Variants in RBMS3 observed in about 807,000 individuals in gnomAD.
RBMS3 encodes RNA-binding motif, single-stranded-interacting protein 3.
In RBMS3, 27 loss-of-function variants were observed where a neutral mutation model predicts 66.8. That is an observed-to-expected ratio of 0.40 (90% CI 0.30 to 0.56). The LOEUF (loss-of-function observed/expected upper bound fraction) is 0.56, where lower values mean the gene tolerates loss of function less well. Ranked by LOEUF, RBMS3 falls within the 20% of genes least tolerant of loss-of-function variation. RBMS3 has a pLI of 0.40. For missense variants in RBMS3, 513 were observed against 549.5 expected, an observed-to-expected ratio of 0.93 and a Z score of 0.66; for synonymous variants, 188 against 183.0, an observed-to-expected ratio of 1.03 and a Z score of -0.22.
chr3:29,462,222 T>A (rs1350871869), intron 2 of RBMS3, among the ~76,000 whole-genome samples: 1 of 152,172 alleles, frequency 6.6e-6, no homozygotes, highest in Admixed American at 6.5e-5. Flanking sequence ...ATTTGTTAAG[T>A]TAAATCTAAT....
At chr3:29,979,265 T>A (rs1029439659) in intron 12 of RBMS3, among the ~76,000 whole-genome samples, 5 of 152,344 alleles carry the variant, frequency 3.3e-5, no homozygotes, top group Non-Finnish European at 7.3e-5. Context: ...TTTGCTTGAC[T>A]CAGTGTTGCT....
In RBMS3 at chr3:29,885,224, G is replaced by A. The variant is rs550042899; in HGVS notation, c.791+1016G>A. Among the ~76,000 whole-genome samples the A allele has an allele frequency of 8.3e-4, 126 of 151,850 alleles. 1 individual carries two copies. Among genetic ancestry groups the A allele is most frequent in the African/African-American group, 2.7e-3 (110 of 41,484 alleles). On this transcript the variant is annotated intron_variant, in intron 8 of 14. Transcript: ENST00000383767. Reference sequence around the variant, plus strand: ...CCTTCAAGAGGCTCACAATCTACTCGTCCATGAAAAAGTAAACATTAATGG... The same window carrying A: ...CCTTCAAGAGGCTCACAATCTACTCATCCATGAAAAAGTAAACATTAATGG...
At chr3:29,834,670 A>G (rs776542162) in intron 6 of RBMS3, among the ~76,000 whole-genome samples, 2 of 152,068 alleles carry the variant, frequency 1.3e-5, no homozygotes, top group Admixed American at 6.6e-5. Flanking sequence ...AAAGCGTACC[A>G]CTATAGAAAA....
intron 6 of RBMS3, among the ~76,000 whole-genome samples, chr3:29,807,182 C>T (rs2057578119): frequency 6.6e-6 from 1 of 151,798 alleles, no homozygotes; most frequent in Non-Finnish European, 1.5e-5. Flanking sequence ...ATAGTAAGAA[C>T]ATAAAACTGT....
At position 29,441,308 on chromosome 3, in the gene RBMS3, G is replaced by C. The variant is rs375415400; in HGVS notation, c.248+6393G>C. ...GCAAAATTATGTTTGCCAAGCATCT[G>C]CTGTAAACTAGACATAGTATTTGAT... is the stretch of plus-strand genomic sequence containing the variant. On this transcript the variant is annotated intron_variant, in intron 2 of 14. Coordinates refer to ENST00000383767, the MANE Select transcript of RBMS3 (RefSeq NM_001003793.3). Among the ~76,000 whole-genome samples, 231 of 152,226 alleles carry C rather than the reference G, an allele frequency of 1.5e-3. 2 individuals are homozygous for C. The highest frequency in any genetic ancestry group is 5.4e-3 in the African/African-American group (225 of 41,550).
At chr3:29,992,256 T>C (rs985716025) in intron 14 of RBMS3, among the ~76,000 whole-genome samples, 19 of 152,084 alleles carry the variant, frequency 1.2e-4, no homozygotes, top group Admixed American at 1.3e-4. Flanking sequence ...ATTTATTAGG[T>C]TGGTACAAAA....
intron 4 of RBMS3, among the ~76,000 whole-genome samples, chr3:29,599,389 C>A (rs1316777477): frequency 4.1e-5 from 6 of 148,010 alleles, no homozygotes; most frequent in Non-Finnish European, 7.4e-5. Context: ...TATGCACCCA[C>A]ATAAACTTTA....
chr3:29,476,683 CAG>C (rs2042958875), intron 2 of RBMS3, among the ~76,000 whole-genome samples: 1 of 152,058 alleles, frequency 6.6e-6, no homozygotes, highest in Non-Finnish European at 1.5e-5. Context: ...ATAAGAAAAA[CAG>C]AGTTATTTTG....
At chr3:29,917,223 G>T (rs1465373097) in intron 10 of RBMS3, among the ~76,000 whole-genome samples, 1 of 152,074 alleles carries the variant, frequency 6.6e-6, no homozygotes, top group Admixed American at 6.6e-5. Flanking sequence ...TATGGCAAAT[G>T]ATGTTAAATA....
chr3:29,394,653 C>A (rs2039464032), intron 1 of RBMS3, among the ~76,000 whole-genome samples: 1 of 152,172 alleles, frequency 6.6e-6, no homozygotes, highest in South Asian at 2.1e-4. Context: ...AATTTATGTT[C>A]TTTGCCGCAG....
chr3:29,913,986 C>T (rs1307438910), intron 10 of RBMS3, among the ~76,000 whole-genome samples: 1 of 151,870 alleles, frequency 6.6e-6, no homozygotes, highest in Admixed American at 6.6e-5. Context: ...ATGGCATGAA[C>T]TGATGAATGA....
intron 12 of RBMS3, among the ~76,000 whole-genome samples, chr3:29,965,486 G>C (rs1020661823): frequency 6.6e-6 from 1 of 152,036 alleles, no homozygotes; most frequent in Non-Finnish European, 1.5e-5. Flanking sequence ...TAGTGATTTT[G>C]AGCATTTTTT....
chr3:29,453,603 G>T (rs1440494178), intron 2 of RBMS3, among the ~76,000 whole-genome samples: 1 of 152,190 alleles, frequency 6.6e-6, no homozygotes, highest in Admixed American at 6.5e-5. Context: ...CCTGGCAAGG[G>T]TCGTCTCCAG....
At chr3:29,950,764 C>G (rs1419469839) in intron 12 of RBMS3, among the ~76,000 whole-genome samples, 4 of 151,912 alleles carry the variant, frequency 2.6e-5, no homozygotes, top group African/African-American at 9.6e-5. Flanking sequence ...ATATATTACA[C>G]GAACATTTAA....
At chr3:29,654,544 G>C (rs552749431) in intron 4 of RBMS3, among the ~76,000 whole-genome samples, 1 of 149,334 alleles carries the variant, frequency 6.7e-6, no homozygotes, top group Non-Finnish European at 1.5e-5. Flanking sequence ...GTGTGTGTGT[G>C]TGTGTGTGTG....
At chr3:29,522,411 C>G (rs536038825) in intron 3 of RBMS3, among the ~76,000 whole-genome samples, 1 of 152,108 alleles carries the variant, frequency 6.6e-6, no homozygotes, top group African/African-American at 2.4e-5. Context: ...CCAGGCTGGT[C>G]CTAAACTCCT....
intron 1 of RBMS3, among the ~76,000 whole-genome samples, chr3:29,289,434 A>G (rs1376769999): frequency 1.3e-5 from 2 of 151,940 alleles, no homozygotes; most frequent in African/African-American, 2.4e-5. Context: ...GCTCTTCACC[A>G]CTTAATCATT....
At chr3:29,401,906 A>C (rs988818249) in intron 1 of RBMS3, among the ~76,000 whole-genome samples, 1 of 151,978 alleles carries the variant, frequency 6.6e-6, no homozygotes, top group Non-Finnish European at 1.5e-5. Context: ...GAAAAGGGGG[A>C]ATTGCCTCAA....
At chr3:29,996,583 G>GCAAT (rs1699259030) in intron 14 of RBMS3, among the ~76,000 whole-genome samples, 1 of 149,478 alleles carries the variant, frequency 6.7e-6, no homozygotes, top group Non-Finnish European at 1.5e-5. Context: ...AGACCACAGT[G>GCAAT]CAATCAAACT....
Sources: gnomAD v4.1 joint callset for allele counts (sites outside exome capture counted in the v4.1 genomes callset) on GRCh38, gnomAD v4.1.1 for gene constraint, MANE v1.5 for transcripts, NCBI Gene and HGNC (gene_info 2026-07-23, HGNC 2026-07-21) for gene names.